Variants in NCOA6 observed in about 807,000 individuals in gnomAD.
The protein encoded by NCOA6 is nuclear receptor coactivator 6, also known as NRC RAP250.
Under a neutral mutation model 171.4 loss-of-function variants are expected in NCOA6, and 49 were observed. That is an observed-to-expected ratio of 0.29 (90% CI 0.23 to 0.36). NCOA6 has a LOEUF of 0.36. Ranked by LOEUF, NCOA6 falls within the 10% of genes least tolerant of loss-of-function variation. The pLI is 1.00. For synonymous variants in NCOA6, 910 were observed against 927.5 expected, an observed-to-expected ratio of 0.98 and a Z score of 0.34; for missense variants, 2,248 against 2,554.5, an observed-to-expected ratio of 0.88 and a Z score of 2.59.
chr20:34,776,152 A>G, intron 4 of NCOA6, 141 bp downstream of exon 4: 2 of 1,123,320 alleles, frequency 1.8e-6, no homozygotes, highest in Non-Finnish European at 2.5e-6. Context: ...AGGTGCTGCA[A>G]AGCAAAGTAC....
In NCOA6 at chr20:34,749,915, T is replaced by C; in HGVS notation, c.2280A>G (p.Gly760=). ...NMQGNMVQFT[G]QMSGQMLPQQ... ...GGGGCAGCATCTGTCCTGACATCTG[T>C]CCCGTAAACTGCACCATATTTCCTT... Residue 760 remains glycine (G), a synonymous_variant, in exon 9 of 15, where the codon GGA becomes GGG. Transcript: ENST00000359003. The C allele has an allele frequency of 1.2e-6, 2 of 1,614,204 alleles. No homozygotes were observed. Among genetic ancestry groups the C allele is most frequent in the Non-Finnish European group, 1.7e-6 (2 of 1,180,044 alleles).
intron 8 of NCOA6, among the ~76,000 whole-genome samples, chr20:34,751,170 A>G (rs1343417205): frequency 6.6e-6 from 1 of 151,186 alleles, no homozygotes; most frequent in African/African-American, 2.4e-5. Context: ...GGAGATCGAG[A>G]CCATCCTGGC....
intron 1 of NCOA6, among the ~76,000 whole-genome samples, chr20:34,799,052 A>C (rs2078171786): frequency 6.6e-6 from 1 of 152,194 alleles, no homozygotes; most frequent in South Asian, 2.1e-4. Flanking sequence ...TCAGACAGAG[A>C]ATTCAAAACA....
At chr20:34,763,859 C>A (rs540650867) in intron 5 of NCOA6, among the ~76,000 whole-genome samples, 7 of 152,162 alleles carry the variant, frequency 4.6e-5, no homozygotes, top group Admixed American at 3.9e-4. Context: ...ACTGAAAATT[C>A]TGGCTTCATG....
intron 2 of NCOA6, among the ~76,000 whole-genome samples, chr20:34,789,424 T>C (rs2077793987): frequency 6.6e-6 from 1 of 152,220 alleles, no homozygotes; most frequent in African/African-American, 2.4e-5. Context: ...GGTATCTTGA[T>C]ATTGTGTCAC....
At position 34,741,351 on chromosome 20, in the gene NCOA6, A is replaced by G; in HGVS notation, c.4905T>C (p.Gly1635=). ...MSTVVTMPNA[G]SKVMVSEGQS... ...GTCCCTCAGAAACCATAACCTTGCT[A>G]CCCGCATTGGGCATTGTGACAACTG... Residue 1635 remains glycine (G), a synonymous_variant, in exon 11 of 15, where the codon GGT becomes GGC. Coordinates refer to ENST00000359003, the MANE Select transcript of NCOA6 (RefSeq NM_014071.5). 1 of 1,614,180 alleles carries G rather than the reference A, an allele frequency of 6.2e-7. No homozygotes were observed. Among genetic ancestry groups the G allele is most frequent in the Non-Finnish European group, 8.5e-7 (1 of 1,180,036 alleles).
At position 34,742,120 on chromosome 20, in the gene NCOA6, G is replaced by C; in HGVS notation, c.4136C>G (p.Thr1379Ser). The change falls in exon 11 of 15, where the codon ACT becomes AGT. Residue 1379 changes from threonine (T) to serine (S), a missense_variant. By Grantham distance (58) the Thr-to-Ser change is moderately conservative. Coordinates refer to ENST00000359003, the MANE Select transcript of NCOA6 (RefSeq NM_014071.5). The part of the protein sequence containing the change: ...ELPRNVLVSP[T>S]PLANPPVPGS... Reference sequence around the variant, plus strand: ...AGGTACAGGGGGATTGGCCAGAGGAGTGGGACTGACCAATACATTTCTCGG... The same window carrying C: ...AGGTACAGGGGGATTGGCCAGAGGACTGGGACTGACCAATACATTTCTCGG... The C allele has an allele frequency of 6.2e-7, 1 of 1,614,194 alleles. No individual in the cohort carries two copies. Among genetic ancestry groups the C allele is most frequent in the Non-Finnish European group, 8.5e-7 (1 of 1,180,034 alleles).
At chr20:34,781,914 T>A (rs1412720420) in intron 3 of NCOA6, among the ~76,000 whole-genome samples, 1 of 152,154 alleles carries the variant, frequency 6.6e-6, no homozygotes, top group Admixed American at 6.5e-5. Context: ...ATTACCATAA[T>A]AAGCAACACT....
chr20:34,825,509 G>A lies in NCOA6; in HGVS notation c.-201C>T, dbSNP rs2079129005. The A allele has an allele frequency of 6.7e-6, 1 of 148,280 alleles. No individual in the cohort carries two copies. Among genetic ancestry groups the A allele is most frequent in the Non-Finnish European group, 1.5e-5 (1 of 66,676 alleles). The allele number at this position is 148,280 out of a possible 1,614,324, so 9.2% of individuals were successfully genotyped here. A position where few individuals can be genotyped will look rare whatever the true frequency, so the allele number is the denominator to read the frequency against. ...CCGGCCCTCCCGGGCGGGCCTTGGA[G>A]CGCCGGCCCGGGCCGTGCGTGCCCG... On this transcript the variant is annotated 5_prime_UTR_variant, in exon 1 of 15. Transcript: ENST00000359003.
chr20:34,734,199 G>C (rs1337816589), intron 12 of NCOA6, among the ~76,000 whole-genome samples: 1 of 151,982 alleles, frequency 6.6e-6, no homozygotes, highest in Non-Finnish European at 1.5e-5. Flanking sequence ...CGAGTAGCTG[G>C]GAGTATAGGC....
intron 8 of NCOA6, among the ~76,000 whole-genome samples, chr20:34,753,954 T>C (rs1165560318): frequency 6.6e-6 from 1 of 152,228 alleles, no homozygotes; most frequent in South Asian, 2.1e-4. Flanking sequence ...GGATTAGTCA[T>C]GTGGTCCTTA....
intron 10 of NCOA6, among the ~76,000 whole-genome samples, chr20:34,745,415 C>T (rs542616467): frequency 1.2e-4 from 18 of 152,302 alleles, no homozygotes; most frequent in African/African-American, 4.3e-4. Flanking sequence ...AGGCATGTTC[C>T]TGCTCTCAAT....
chr20:34,754,645 T>C, intron 8 of NCOA6, 77 bp downstream of exon 8: 1 of 1,544,236 alleles, frequency 6.5e-7, no homozygotes, highest in Non-Finnish European at 8.9e-7. Flanking sequence ...ATTACTTATC[T>C]GTATACTCCT....
chr20:34,719,141 ATTTG>A (rs1424724036), intron 14 of NCOA6, among the ~76,000 whole-genome samples: 2 of 152,128 alleles, frequency 1.3e-5, no homozygotes, highest in Non-Finnish European at 2.9e-5. Context: ...TAATAAAGGG[ATTTG>A]TTTTTCAGCC....
At chr20:34,790,946 C>A (rs941279186) in intron 2 of NCOA6, among the ~76,000 whole-genome samples, 1 of 152,130 alleles carries the variant, frequency 6.6e-6, no homozygotes, top group Non-Finnish European at 1.5e-5. Flanking sequence ...CCACCGCACC[C>A]GGTCTAATTT....
chr20:34,814,003 T>C (rs564272131), intron 1 of NCOA6, among the ~76,000 whole-genome samples: 6 of 152,156 alleles, frequency 3.9e-5, no homozygotes, highest in Admixed American at 3.3e-4. Context: ...AGAAAAAAGA[T>C]TTATAAAAAG....
Position 34,750,523 on chromosome 20 carries a change from A to T in NCOA6, c.1676-4T>A. ...GGAGGACCAGCTCCTTGACCACCTT[A>T]AAAAAAAAAAAAGTCACAGTTTCAG... is the stretch of plus-strand genomic sequence containing the variant. On this transcript the variant is annotated splice_polypyrimidine_tract_variant and splice_region_variant and intron_variant, in intron 8 of 14. Coordinates refer to ENST00000359003, the MANE Select transcript of NCOA6 (RefSeq NM_014071.5). 2 of 397,246 alleles carry T rather than the reference A, an allele frequency of 5.0e-6. No individual in the cohort carries two copies. The highest frequency in any genetic ancestry group is 4.0e-6 in the Non-Finnish European group (1 of 249,156). The allele number at this position is 397,246 out of a possible 1,614,324, so 24.6% of individuals were successfully genotyped here.
intron 3 of NCOA6, 90 bp downstream of exon 3, chr20:34,782,031 C>T (rs1229450975): frequency 1.1e-6 from 1 of 927,162 alleles, no homozygotes; most frequent in Admixed American, 3.1e-5. Context: ...CCCAATTTAA[C>T]AAGCTTGTTT....
At chr20:34,750,582 ACT>A in intron 8 of NCOA6, 63 bp from the exon 9 acceptor site, 1 of 1,453,586 alleles carries the variant, frequency 6.9e-7, no homozygotes, top group Non-Finnish European at 9.1e-7. Flanking sequence ...GTATTAAGAT[ACT>A]CAAGTTACAT....
Sources: gnomAD v4.1 joint callset for allele counts (sites outside exome capture counted in the v4.1 genomes callset) on GRCh38, gnomAD v4.1.1 for gene constraint, MANE v1.5 for transcripts, NCBI Gene and HGNC (gene_info 2026-07-23, HGNC 2026-07-21) for gene names.